Variants in PCDHA3 observed in about 807,000 individuals in gnomAD.
PCDHA3 encodes the protein protocadherin alpha 3, also known as protocadherin alpha-3.
In PCDHA3, 41 loss-of-function variants were observed where a neutral mutation model predicts 62.2. The observed-to-expected ratio is 0.66, with a 90% CI of 0.51 to 0.86. PCDHA3 has a LOEUF of 0.86. PCDHA3 is among the 40% of genes least tolerant of loss of function. The pLI is 0.00. For synonymous variants in PCDHA3, 640 were observed against 555.4 expected (o/e 1.15, Z -2.14); for missense variants, 1,304 against 1,241.2 (o/e 1.05, Z -0.76).
chr5:140,990,554 A>T (rs555586765), intron 3 of PCDHA3, among the ~76,000 whole-genome samples: 1 of 152,308 alleles, frequency 6.6e-6, no homozygotes, highest in East Asian at 1.9e-4. Context: ...GTATTACCCA[A>T]GAACACACAC....
chr5:140,928,829 T>C, intron 1 of PCDHA3: 1 of 1,614,170 alleles, frequency 6.2e-7, no homozygotes, highest in Non-Finnish European at 8.5e-7. Context: ...GACCCACCAC[T>C]TTCCTCCTCT....
At chr5:140,950,452 C>A (rs1030639288) in intron 1 of PCDHA3, among the ~76,000 whole-genome samples, 12 of 151,888 alleles carry the variant, frequency 7.9e-5, no homozygotes, top group African/African-American at 2.7e-4. Context: ...ATTCTACTGT[C>A]TTCTAATGCT....
At chr5:140,822,276 G>A (rs1179110799) in intron 1 of PCDHA3, 2 of 1,614,126 alleles carry the variant, frequency 1.2e-6, no homozygotes, top group Non-Finnish European at 1.7e-6. Flanking sequence ...ATGCACAATT[G>A]AGATACAGGT....
At chr5:140,871,089 C>T in intron 1 of PCDHA3, 1 of 1,613,254 alleles carries the variant, frequency 6.2e-7, no homozygotes, top group Non-Finnish European at 8.5e-7. Flanking sequence ...CGGCCACGGC[C>T]ACCGTGCTGG....
chr5:140,939,956 A>G (rs2092504641), intron 1 of PCDHA3, among the ~76,000 whole-genome samples: 1 of 152,234 alleles, frequency 6.6e-6, no homozygotes, highest in Non-Finnish European at 1.5e-5. Context: ...AAATTATGTT[A>G]AAGTGTTCCA....
At position 140,808,975 on chromosome 5, in the gene PCDHA3, GGT is replaced by G. The variant is rs782407899; in HGVS notation, c.2394+5386_2394+5387del. On this transcript the variant is annotated intron_variant, in intron 1 of 3. Coordinates refer to ENST00000522353, the MANE Select transcript of PCDHA3 (RefSeq NM_018906.3). ...GCCACGTGGTGGCAAAGGTGCGCGC[GGT>G]GGATGCTGACTCGGGCTACAACGCG... is the stretch of plus-strand genomic sequence containing the variant. The G allele has an allele frequency of 2.5e-6, 4 of 1,613,626 alleles. No individual in the cohort carries two copies. The Admixed American group carries it at 6.7e-5, about 27-fold the overall frequency.
At chr5:140,841,519 G>C (rs1777296865) in intron 1 of PCDHA3, 1 of 1,613,472 alleles carries the variant, frequency 6.2e-7, no homozygotes, top group African/African-American at 1.3e-5. Context: ...TGTTCCGGGT[G>C]GCGTCCAAAA....
chr5:140,835,620 C>T, intron 1 of PCDHA3: 2 of 1,613,942 alleles, frequency 1.2e-6, no homozygotes, highest in Non-Finnish European at 1.7e-6. Flanking sequence ...GGACAGCGCT[C>T]TGGACCGCGA....
chr5:140,877,544 C>T (rs782624202), intron 1 of PCDHA3: 2 of 1,613,794 alleles, frequency 1.2e-6, no homozygotes, highest in Non-Finnish European at 1.7e-6. Context: ...GATCCCGAAG[C>T]GGCTCTGGTG....
intron 1 of PCDHA3, chr5:140,857,408 T>C: frequency 6.3e-7 from 1 of 1,597,854 alleles, no homozygotes; most frequent in Non-Finnish European, 8.6e-7. Context: ...CGCGCCTGCG[T>C]TCGCGCAGTC....
chr5:140,983,387 G>T (rs1417783796), intron 3 of PCDHA3, among the ~76,000 whole-genome samples: 1 of 152,188 alleles, frequency 6.6e-6, no homozygotes, highest in Non-Finnish European at 1.5e-5. Flanking sequence ...CGCTGTGGCA[G>T]TTTTCAGAAA....
intron 1 of PCDHA3, chr5:140,862,727 C>G (rs1407282014): frequency 3.5e-6 from 2 of 570,998 alleles, no homozygotes; most frequent in African/African-American, 1.9e-5. Context: ...TGCGCGCTGT[C>G]TAGCTATGTG....
chr5:141,004,528 C>T (rs2098169666), intron 3 of PCDHA3, among the ~76,000 whole-genome samples: 1 of 152,230 alleles, frequency 6.6e-6, no homozygotes, highest in Non-Finnish European at 1.5e-5. Flanking sequence ...CCAATACACA[C>T]AGCCATTAAT....
intron 1 of PCDHA3, among the ~76,000 whole-genome samples, chr5:140,934,797 T>A (rs1045887352): frequency 6.6e-6 from 1 of 152,236 alleles, no homozygotes; most frequent in African/African-American, 2.4e-5. Context: ...CAATTATCTT[T>A]TTAATGATCA....
chr5:140,981,612 T>C (rs2096940396), intron 2 of PCDHA3, among the ~76,000 whole-genome samples: 1 of 152,110 alleles, frequency 6.6e-6, no homozygotes, highest in Non-Finnish European at 1.5e-5. Context: ...CCTCTAATTT[T>C]GATGAGGGTT....
At chr5:140,927,118 G>C in intron 1 of PCDHA3, 1 of 1,613,946 alleles carries the variant, frequency 6.2e-7, no homozygotes, top group Non-Finnish European at 8.5e-7. Context: ...CGGCAATTTG[G>C]TGGTCAGAGA....
chr5:140,867,751 T>C (rs1280399942), intron 1 of PCDHA3: 2 of 152,116 alleles, frequency 1.3e-5, no homozygotes, highest in Non-Finnish European at 2.9e-5. Context: ...AGTTACAACT[T>C]CAGGCAAAGA....
intron 1 of PCDHA3, chr5:140,808,572 T>C: frequency 6.2e-7 from 1 of 1,614,066 alleles, no homozygotes; most frequent in Non-Finnish European, 8.5e-7. Flanking sequence ...GAGTACACAG[T>C]GTTCGTGAAG....
chr5:140,931,546 A>G (rs1416561002), intron 1 of PCDHA3, among the ~76,000 whole-genome samples: 1 of 152,048 alleles, frequency 6.6e-6, no homozygotes, highest in Non-Finnish European at 1.5e-5. Flanking sequence ...TACTGTTCAT[A>G]TGTGCAGGAA....
Sources: allele counts gnomAD v4.1 joint callset (sites outside exome capture counted in the v4.1 genomes callset), GRCh38; gene constraint gnomAD v4.1.1; transcripts MANE v1.5; gene names NCBI Gene and HGNC (gene_info 2026-07-23, HGNC 2026-07-21).